The following OSBPL10 variants were observed in gnomAD, a reference collection of about 807,000 sequenced individuals.
OSBPL10 encodes the protein oxysterol-binding protein-related protein 10.
In OSBPL10, 49 loss-of-function variants were observed where a neutral mutation model predicts 81.7. That is an observed-to-expected ratio of 0.60 (90% confidence interval 0.48 to 0.76). The LOEUF (loss-of-function observed/expected upper bound fraction) is 0.76, where lower values mean the gene tolerates loss of function less well. Among genes scored for constraint, OSBPL10 ranks in the 30% least tolerant of loss-of-function variants. OSBPL10 has a pLI of 0.00. For missense variants in OSBPL10, 923 were observed against 987.8 expected (o/e 0.93, Z 0.88); for synonymous variants, 419 against 383.6 (o/e 1.09, Z -1.08).
chr3:31,938,642 G>A (rs1313685894), intron 1 of OSBPL10, among the ~76,000 whole-genome samples: 1 of 152,102 alleles, frequency 6.6e-6, no homozygotes, highest in Admixed American at 6.5e-5. Context: ...CCACGTAGCT[G>A]GGACTACAGG....
intron 2 of OSBPL10, among the ~76,000 whole-genome samples, chr3:32,039,375 G>A (rs1417563255): frequency 1.3e-5 from 2 of 150,518 alleles, no homozygotes; most frequent in Non-Finnish European, 3.0e-5. Flanking sequence ...AAAAAAAGAG[G>A]GCTGGGTATG....
intron 7 of OSBPL10, among the ~76,000 whole-genome samples, chr3:31,684,636 C>T (rs1014529320): frequency 3.3e-5 from 5 of 152,036 alleles, no homozygotes; most frequent in Admixed American, 2.6e-4. Flanking sequence ...TGGGAGGCCT[C>T]GGTAGAAGAA....
chr3:31,865,429 T>C (rs560881931), intron 3 of OSBPL10, among the ~76,000 whole-genome samples: 26 of 152,342 alleles, frequency 1.7e-4, no homozygotes, highest in African/African-American at 6.0e-4. Flanking sequence ...TGTATTTTCT[T>C]ATCCCTTTTC....
chr3:31,933,407 T>C (rs968666258), intron 1 of OSBPL10, among the ~76,000 whole-genome samples: 97 of 80,982 alleles, frequency 1.2e-3, no homozygotes, highest in African/African-American at 2.9e-3. Flanking sequence ...AAACAATAAA[T>C]TTTTTTTTTT....
At chr3:31,924,235 A>G (rs895044695) in intron 1 of OSBPL10, among the ~76,000 whole-genome samples, 1 of 148,556 alleles carries the variant, frequency 6.7e-6, no homozygotes, top group Non-Finnish European at 1.5e-5. Context: ...AAAAAGAAAG[A>G]AAGAAAAGAA....
intron 4 of OSBPL10, among the ~76,000 whole-genome samples, chr3:31,815,565 C>T (rs1279361147): frequency 6.6e-6 from 1 of 152,166 alleles, no homozygotes; most frequent in African/African-American, 2.4e-5. Context: ...TAACCTGAAA[C>T]TTTAGAATGC....
At chr3:31,838,948 A>T (rs1380413296) in intron 3 of OSBPL10, among the ~76,000 whole-genome samples, 1 of 152,204 alleles carries the variant, frequency 6.6e-6, no homozygotes, top group Non-Finnish European at 1.5e-5. Context: ...TTTAATGTGC[A>T]TTACTCAGGA....
chr3:32,031,329 C>A (rs6777531), intron 2 of OSBPL10, among the ~76,000 whole-genome samples: 2,722 of 152,220 alleles, frequency 0.018, 85 homozygotes, highest in African/African-American at 0.061. Flanking sequence ...ATCAAGGTCA[C>A]TGGTATTTAA....
intron 6 of OSBPL10, among the ~76,000 whole-genome samples, chr3:31,725,247 CT>C (rs1425417234): frequency 6.6e-6 from 1 of 152,134 alleles, no homozygotes; most frequent in Non-Finnish European, 1.5e-5. Flanking sequence ...TTTAACTATA[CT>C]GGAACACAGA....
At chr3:31,896,142 T>G (rs554753679) in intron 1 of OSBPL10, among the ~76,000 whole-genome samples, 1 of 152,320 alleles carries the variant, frequency 6.6e-6, no homozygotes, top group South Asian at 2.1e-4. Context: ...ACATTCACCA[T>G]TGATAATAAA....
intron 3 of OSBPL10, among the ~76,000 whole-genome samples, chr3:31,840,939 G>A (rs370362866): frequency 4.6e-5 from 7 of 152,240 alleles, no homozygotes; most frequent in South Asian, 2.1e-4. Flanking sequence ...ACGGAGTTTC[G>A]CTCTTGTAGC....
chr3:31,728,262 C>A (rs148793594), intron 6 of OSBPL10, among the ~76,000 whole-genome samples: 115 of 152,248 alleles, frequency 7.6e-4, no homozygotes, highest in African/African-American at 2.6e-3. Flanking sequence ...AGATGACTAA[C>A]TAGGCAAAGC....
chr3:32,061,441 C>G (rs1419030241), intron 1 of OSBPL10, among the ~76,000 whole-genome samples: 2 of 92,910 alleles, frequency 2.2e-5, no homozygotes, highest in Non-Finnish European at 5.7e-5. Flanking sequence ...TTCATGGGCA[C>G]TATTTAAGGT....
At chr3:31,944,868 A>G (rs1697650633) in intron 1 of OSBPL10, among the ~76,000 whole-genome samples, 1 of 127,340 alleles carries the variant, frequency 7.9e-6, no homozygotes, top group Admixed American at 8.2e-5. Flanking sequence ...AAAAAAAAAA[A>G]AAGGCCAGGC....
At chr3:31,737,999 C>CAA (rs750366140) in intron 5 of OSBPL10, among the ~76,000 whole-genome samples, 2 of 96,090 alleles carry the variant, frequency 2.1e-5, no homozygotes, top group Non-Finnish European at 2.2e-5. Flanking sequence ...GACTCTGTCT[C>CAA]AAAAAAAAAA....
chr3:31,839,367 G>A (rs1035793056), intron 3 of OSBPL10, among the ~76,000 whole-genome samples: 8 of 152,126 alleles, frequency 5.3e-5, no homozygotes, highest in East Asian at 1.9e-4. Context: ...CTATGTGCCA[G>A]GCACTGCTCT....
chr3:31,711,909 A>G (rs1036635545), intron 6 of OSBPL10, among the ~76,000 whole-genome samples: 10 of 152,248 alleles, frequency 6.6e-5, no homozygotes, highest in Non-Finnish European at 1.3e-4. Context: ...ATGAAAGGAT[A>G]TATGATGCAA....
intron 2 of OSBPL10, among the ~76,000 whole-genome samples, chr3:32,029,348 A>G (rs900170206): frequency 4.6e-5 from 7 of 152,082 alleles, no homozygotes; most frequent in Admixed American, 3.9e-4. Flanking sequence ...TTTAGGGTAC[A>G]TGTGCACAAC....
chr3:31,965,388 G>GTATGA lies in OSBPL10; in HGVS notation c.281+15510_281+15511insTCATA, dbSNP rs1553644372. The stretch of plus-strand genomic sequence containing the variant: ...CCATCTCAAAAAATATATATATTAT[G>GTATGA]TATAATATATAATATAAAATATATA... On this transcript the variant is annotated intron_variant, in intron 1 of 11. Transcript: ENST00000396556. 1.5e-3 allele frequency among the ~76,000 whole-genome samples: 113 copies of GTATGA among 74,344 alleles called. 13 individuals are homozygous for GTATGA. Among genetic ancestry groups the GTATGA allele is most frequent in the African/African-American group, 8.1e-3 (109 of 13,516 alleles). 48.8% of individuals were successfully genotyped at this position (74,344 alleles called of 152,430 possible).
Sources: gnomAD v4.1 joint callset for allele counts (sites outside exome capture counted in the v4.1 genomes callset) on GRCh38, gnomAD v4.1.1 for gene constraint, MANE v1.5 for transcripts, NCBI Gene and HGNC (gene_info 2026-07-23, HGNC 2026-07-21) for gene names.